Variants in AUH observed in about 807,000 individuals in gnomAD.
AUH encodes the protein AU RNA binding methylglutaconyl-CoA hydratase.
A neutral mutation model predicts 42.3 loss-of-function variants in AUH; 29 were observed. The observed-to-expected ratio is 0.69, with a 90% CI of 0.51 to 0.93. AUH has a LOEUF of 0.93. AUH is among the 40% of genes least tolerant of loss of function. AUH has a pLI of 0.00. For synonymous variants in AUH, 174 were observed against 166.4 expected, an observed-to-expected ratio of 1.05 and a Z score of -0.35; for missense variants, 452 against 438.1, an observed-to-expected ratio of 1.03 and a Z score of -0.28.
intron 6 of AUH, among the ~76,000 whole-genome samples, chr9:91,293,133 C>T (rs971270936): frequency 6.6e-6 from 1 of 152,188 alleles, no homozygotes; most frequent in Non-Finnish European, 1.5e-5. Flanking sequence ...ATCTCTCTCC[C>T]TTTCCTTGGG....
chr9:91,296,839 G>A lies in AUH; in HGVS notation c.599-762C>T, dbSNP rs150956083. Among the ~76,000 whole-genome samples the A allele has an allele frequency of 1.0e-3, 154 of 152,300 alleles. 1 individual carries two copies. In the East Asian group the frequency reaches 0.017, roughly 16 times the overall value. On this transcript the variant is annotated intron_variant, in intron 5 of 9. Transcript: ENST00000375731. ...TCCCAAGAAACTGAATCATGTTGAC[G>A]CTACATTGTTCTAAAAATTTAAAAA... is the stretch of plus-strand genomic sequence containing the variant.
chr9:91,317,154 C>A (rs527897161), intron 4 of AUH, among the ~76,000 whole-genome samples: 25 of 152,286 alleles, frequency 1.6e-4, no homozygotes, highest in African/African-American at 5.8e-4. Context: ...TATAATAAAT[C>A]TTGAGTGCTG....
chr9:91,231,888 G>A (rs1827905034), intron 6 of AUH, among the ~76,000 whole-genome samples: 1 of 152,190 alleles, frequency 6.6e-6, no homozygotes, highest in African/African-American at 2.4e-5. Context: ...AGTATGAGGA[G>A]AAATGTGAAG....
At chr9:91,358,395 AAATCCC>A (rs1832600320) in intron 1 of AUH, among the ~76,000 whole-genome samples, 1 of 152,202 alleles carries the variant, frequency 6.6e-6, no homozygotes, top group African/African-American at 2.4e-5. Flanking sequence ...GCTGGGGATG[AAATCCC>A]AGTCTGCCGC....
chr9:91,251,669 T>G (rs1311146189), intron 6 of AUH, among the ~76,000 whole-genome samples: 1 of 152,216 alleles, frequency 6.6e-6, no homozygotes, highest in African/African-American at 2.4e-5. Flanking sequence ...TTACTCCTGC[T>G]GCTCCTGAGC....
At chr9:91,264,498 T>C (rs1194096712) in intron 6 of AUH, among the ~76,000 whole-genome samples, 2 of 152,234 alleles carry the variant, frequency 1.3e-5, no homozygotes, top group African/African-American at 4.8e-5. Context: ...ATAGCCATTA[T>C]TACCTCAAAG....
intron 6 of AUH, among the ~76,000 whole-genome samples, chr9:91,239,413 A>G (rs1828375163): frequency 6.6e-6 from 1 of 152,222 alleles, no homozygotes; most frequent in Non-Finnish European, 1.5e-5. Context: ...CATGGGAGGA[A>G]ACACTGCAGT....
chr9:91,258,275 G>A (rs990777144), intron 6 of AUH, among the ~76,000 whole-genome samples: 16 of 152,068 alleles, frequency 1.1e-4, no homozygotes, highest in African/African-American at 3.9e-4. Flanking sequence ...TACTCTTGTA[G>A]CCCAGGATGG....
chr9:91,326,535 T>C (rs896602106), intron 3 of AUH, among the ~76,000 whole-genome samples: 2 of 152,058 alleles, frequency 1.3e-5, no homozygotes, highest in African/African-American at 4.8e-5. Flanking sequence ...TAAGAGTAAA[T>C]ACAGATAAAT....
At chr9:91,326,148 C>A (rs999230378) in intron 3 of AUH, among the ~76,000 whole-genome samples, 1 of 152,170 alleles carries the variant, frequency 6.6e-6, no homozygotes, top group East Asian at 1.9e-4. Flanking sequence ...AACAAACAGA[C>A]GAACAACAAA....
intron 6 of AUH, among the ~76,000 whole-genome samples, chr9:91,272,877 T>G (rs374146915): frequency 3.2e-4 from 49 of 152,296 alleles, no homozygotes; most frequent in African/African-American, 1.2e-3. Flanking sequence ...CTAGTAGGCA[T>G]AGAACATACT....
chr9:91,306,450 T>C (rs748390602), intron 4 of AUH: 648 of 877,622 alleles, frequency 7.4e-4, no homozygotes, highest in Non-Finnish European at 8.5e-4. Context: ...AAAGATAACA[T>C]ACCATAAGTA....
At chr9:91,261,010 A>G (rs1345463538) in intron 6 of AUH, among the ~76,000 whole-genome samples, 1 of 152,154 alleles carries the variant, frequency 6.6e-6, no homozygotes, top group Non-Finnish European at 1.5e-5. Context: ...GTTGTTTTAT[A>G]TCTTCCATTT....
In AUH at chr9:91,276,303, C is replaced by T. The variant is rs115624240; in HGVS notation, c.655+19718G>A. On this transcript the variant is annotated intron_variant, in intron 6 of 9. Coordinates refer to ENST00000375731, the MANE Select transcript of AUH (RefSeq NM_001698.3). ...AACATTAGCCGGGTGTGGTGGCGGA[C>T]GCCTGTAATCCCAGCTACTTGAGAA... Among the ~76,000 whole-genome samples, 466 of 151,822 alleles carry T rather than the reference C, an allele frequency of 3.1e-3. 5 individuals carry two copies. The highest frequency in any genetic ancestry group is 0.011 in the African/African-American group (441 of 41,390).
At chr9:91,268,453 C>T (rs1345730224) in intron 6 of AUH, among the ~76,000 whole-genome samples, 6 of 151,558 alleles carry the variant, frequency 4.0e-5, no homozygotes, top group East Asian at 3.9e-4. Flanking sequence ...TTTTAAGAGA[C>T]GGAGTCTCAC....
At chr9:91,282,032 G>T (rs758035958) in intron 6 of AUH, among the ~76,000 whole-genome samples, 1 of 152,102 alleles carries the variant, frequency 6.6e-6, no homozygotes, top group Non-Finnish European at 1.5e-5. Flanking sequence ...TAAAAGTCCT[G>T]ACAGTGGCTA....
chr9:91,338,948 C>A (rs953440960), intron 3 of AUH, among the ~76,000 whole-genome samples: 2 of 152,068 alleles, frequency 1.3e-5, no homozygotes, highest in African/African-American at 4.8e-5. Context: ...ATAGTTTAGA[C>A]TTCTGAAACC....
chr9:91,350,721 T>C (rs1199087108), intron 3 of AUH, among the ~76,000 whole-genome samples: 2 of 150,378 alleles, frequency 1.3e-5, no homozygotes, highest in African/African-American at 4.9e-5. Context: ...ATCATACCAC[T>C]GCACTCCAAC....
chr9:91,261,160 A>G (rs935793438), intron 6 of AUH, among the ~76,000 whole-genome samples: 2 of 151,674 alleles, frequency 1.3e-5, no homozygotes, highest in African/African-American at 4.8e-5. Flanking sequence ...CATCATCTCT[A>G]CTACTTTTTT....
Sources: gnomAD v4.1 joint callset for allele counts (sites outside exome capture counted in the v4.1 genomes callset) on GRCh38, gnomAD v4.1.1 for gene constraint, MANE v1.5 for transcripts, NCBI Gene and HGNC (gene_info 2026-07-23, HGNC 2026-07-21) for gene names.